BIRC6: variants seen among roughly 807,000 people sequenced by gnomAD.
BIRC6 encodes the protein baculoviral IAP repeat containing 6.
Under a neutral mutation model 503.3 loss-of-function variants are expected in BIRC6, and 98 were observed. That is an observed-to-expected ratio of 0.19 (90% confidence interval 0.17 to 0.23). The LOEUF (loss-of-function observed/expected upper bound fraction) is 0.23. Ranked by LOEUF, BIRC6 falls within the 10% of genes least tolerant of loss-of-function variation. BIRC6 has a pLI of 1.00. For synonymous variants in BIRC6, 2,240 were observed against 2,078.7 expected (o/e 1.08, Z -2.11); for missense variants, 5,360 against 5,806.0 (o/e 0.92, Z 2.50).
Position 32,433,895 on chromosome 2 carries a change from T to C in BIRC6, c.3409+91T>C, listed in dbSNP as rs2044403929. 2.8e-6 allele frequency: 3 copies of C among 1,066,036 alleles called. No individual in the cohort carries two copies. The Admixed American group carries it at 7.9e-5, about 28-fold the overall frequency. 66.0% of individuals were successfully genotyped at this position (1,066,036 alleles called of 1,614,324 possible). Reference sequence around the variant, plus strand: ...TCACCTTGGCTAAGTTTCGTGTCCCTTTCTGTCCCTTGTTGCCATTTGCCT... The same window carrying C: ...TCACCTTGGCTAAGTTTCGTGTCCCCTTCTGTCCCTTGTTGCCATTTGCCT... On this transcript the variant is annotated intron_variant, in intron 13 of 73. Coordinates refer to ENST00000421745, the MANE Select transcript of BIRC6 (RefSeq NM_016252.4).
Position 32,467,293 on chromosome 2 carries a change from A to G in BIRC6, c.5357-232A>G, listed in dbSNP as rs116265783. On this transcript the variant is annotated intron_variant, in intron 26 of 73. Coordinates refer to ENST00000421745, the MANE Select transcript of BIRC6 (RefSeq NM_016252.4). ...ACTAGAGGCACTTGCCACTGTGCCC[A>G]GCTACTCTTAATTTTCTACTTACGT... 3.0e-3 allele frequency among the ~76,000 whole-genome samples: 458 copies of G among 152,294 alleles called. 2 individuals are homozygous for G. Among genetic ancestry groups the G allele is most frequent in the African/African-American group, 0.011 (439 of 41,568 alleles).
At chr2:32,482,619 C>T in intron 39 of BIRC6, 37 bp downstream of exon 39, 4 of 1,606,812 alleles carry the variant, frequency 2.5e-6, no homozygotes, top group Non-Finnish European at 2.6e-6. Context: ...ATATGCTATT[C>T]TTAAAACAAG....
intron 69 of BIRC6, among the ~76,000 whole-genome samples, 190 bp downstream of exon 69, chr2:32,598,158 A>G (rs2061800432): frequency 8.9e-6 from 1 of 111,760 alleles, no homozygotes; most frequent in South Asian, 3.3e-4. Flanking sequence ...TGGCGACAGG[A>G]TCTCACTTTT....
At chr2:32,525,429 G>A (rs377373092) in intron 58 of BIRC6, 35 bp from the exon 59 acceptor site, 14 of 1,610,456 alleles carry the variant, frequency 8.7e-6, no homozygotes, top group Non-Finnish European at 1.2e-5. Context: ...TTAGTGTGTT[G>A]ACTATGTAGA....
intron 57 of BIRC6, 110 bp from the exon 58 acceptor site, chr2:32,524,778 C>T: frequency 2.6e-6 from 2 of 769,298 alleles, no homozygotes; most frequent in Admixed American, 4.3e-5. Context: ...TTTATATTGC[C>T]TTAGTATTAA....
chr2:32,478,376 G>A (rs953953288), intron 35 of BIRC6, among the ~76,000 whole-genome samples: 22 of 151,916 alleles, frequency 1.4e-4, no homozygotes, highest in African/African-American at 5.3e-4. Context: ...TGTCATGATT[G>A]CTTTTCTGTG....
At chr2:32,514,954 A>G (rs2054871813) in intron 54 of BIRC6, 36 bp from the exon 55 acceptor site, 3 of 1,482,306 alleles carry the variant, frequency 2.0e-6, no homozygotes, top group Non-Finnish European at 2.8e-6. Flanking sequence ...CTAAAAATAT[A>G]CTTGTATCAT....
At position 32,357,560 on chromosome 2, in the gene BIRC6, A is replaced by T; in HGVS notation, c.325+74A>T. The T allele has an allele frequency of 6.7e-7, 1 of 1,501,796 alleles. No homozygotes were observed. Among genetic ancestry groups the T allele is most frequent in the South Asian group, 1.2e-5 (1 of 80,124 alleles). 93.0% of individuals were successfully genotyped at this position (1,501,796 alleles called of 1,614,324 possible). A position where few individuals can be genotyped will look rare whatever the true frequency, so the allele number is the denominator to read the frequency against. On this transcript the variant is annotated intron_variant, in intron 1 of 73. Transcript: ENST00000421745. The surrounding 1 kb of genome is among the most constrained non-coding windows in gnomAD (Gnocchi z 4.9). ...TCCAGCCCCGGGGCTCGGCCTCGCG[A>T]CTCGGGGAAGCGAGATGGCGAGAGG... is the stretch of plus-strand genomic sequence containing the variant.
At chr2:32,403,967 G>C in intron 8 of BIRC6, among the ~76,000 whole-genome samples, 1 of 146,236 alleles carries the variant, frequency 6.8e-6, no homozygotes. Flanking sequence ...TCACCCTGTC[G>C]CCCAGGTTAG....
chr2:32,588,566 A>G (rs1481465635), intron 66 of BIRC6, among the ~76,000 whole-genome samples: 4 of 152,116 alleles, frequency 2.6e-5, no homozygotes, highest in Non-Finnish European at 4.4e-5. Context: ...AATGTACCCT[A>G]TATTTCTAAT....
chr2:32,606,125 T>C (rs531294768), intron 71 of BIRC6, among the ~76,000 whole-genome samples: 251 of 152,336 alleles, frequency 1.6e-3, no homozygotes, highest in African/African-American at 5.8e-3. Flanking sequence ...ATATCTGATG[T>C]TTTCCTGCCT....
intron 57 of BIRC6, chr2:32,522,080 C>T (rs896028323): frequency 2.6e-5 from 4 of 151,928 alleles, no homozygotes; most frequent in African/African-American, 9.7e-5. Context: ...TCCCCCCCAT[C>T]ATTTTTTTTC....
At chr2:32,599,372 G>A (rs2151495214) in intron 69 of BIRC6, among the ~76,000 whole-genome samples, 1 of 151,474 alleles carries the variant, frequency 6.6e-6, no homozygotes, top group East Asian at 2.0e-4. Context: ...AGGCACAGTG[G>A]CTCAAGCCCG....
rs774320467 is a variant in BIRC6 at position 32,441,363 on chromosome 2, G to A, written c.3845G>A (p.Ser1282Asn). Residue 1282 changes from serine (S) to asparagine (N), a missense_variant, in exon 17 of 74, where the codon AGT becomes AAT. Transcript: ENST00000421745. ...KSSNVKNENT[S>N]GTRKSENLRG... is the part of the protein sequence containing the mutation. ...TCTAATGTTAAGAATGAAAATACAAGTGGCACCCGTAAATCTGAAAACCTC... is the reference window on the plus strand; with the variant it reads ...TCTAATGTTAAGAATGAAAATACAAATGGCACCCGTAAATCTGAAAACCTC... The A allele has an allele frequency of 6.3e-7, 1 of 1,595,420 alleles. No homozygotes were observed. Among genetic ancestry groups the A allele is most frequent in the Admixed American group, 1.7e-5 (1 of 59,694 alleles).
intron 23 of BIRC6, among the ~76,000 whole-genome samples, chr2:32,457,561 G>T (rs530356291): frequency 2.6e-4 from 39 of 151,996 alleles, no homozygotes; most frequent in Admixed American, 9.8e-4. Flanking sequence ...CATTATTAAT[G>T]CTCATAATCC....
At chr2:32,465,203 T>TTTTTTTTTTTC in intron 26 of BIRC6, 39 bp downstream of exon 26, 1 of 1,094,900 alleles carries the variant, frequency 9.1e-7, no homozygotes, top group Non-Finnish European at 1.3e-6. Flanking sequence ...TTTTTTTTTT[T>TTTTTTTTTTTC]TGCTTAGTCT....
intron 68 of BIRC6, among the ~76,000 whole-genome samples, chr2:32,595,718 A>T (rs2061634396): frequency 6.6e-6 from 1 of 152,196 alleles, no homozygotes; most frequent in African/African-American, 2.4e-5. Flanking sequence ...GAAACAACCT[A>T]AAAATCTTGG....
intron 10 of BIRC6, among the ~76,000 whole-genome samples, chr2:32,427,739 GGTGTGT>G (rs367894620): frequency 1.3e-5 from 2 of 150,462 alleles, no homozygotes; most frequent in African/African-American, 4.9e-5. Flanking sequence ...GACATTTTCA[GGTGTGT>G]GTGTGTGTGT....
At chr2:32,615,243 G>A (rs2063156347) in intron 73 of BIRC6, among the ~76,000 whole-genome samples, 2 of 152,058 alleles carry the variant, frequency 1.3e-5, no homozygotes, top group Non-Finnish European at 2.9e-5. Context: ...ATTTGGGCAG[G>A]GACAAATATC....
Sources: allele counts gnomAD v4.1 joint callset (sites outside exome capture counted in the v4.1 genomes callset), GRCh38; gene constraint gnomAD v4.1.1; non-coding constraint Gnocchi (gnomAD v3.1); transcripts MANE v1.5; gene names NCBI Gene and HGNC (gene_info 2026-07-23, HGNC 2026-07-21).